Variants in COL20A1 observed in about 807,000 individuals in gnomAD.
The protein encoded by COL20A1 is collagen type XX alpha 1 chain.
In COL20A1, 164 loss-of-function variants were observed where a neutral mutation model predicts 152.9. The observed-to-expected ratio is 1.07, with a 90% confidence interval of 0.94 to 1.22. COL20A1 has a LOEUF of 1.22. Among genes scored for constraint, COL20A1 ranks in the 50% most tolerant of loss-of-function variants. The pLI is 0.00. For missense variants in COL20A1, 1,873 were observed against 1,744.8 expected (o/e 1.07, Z -1.31); for synonymous variants, 864 against 756.0 (o/e 1.14, Z -2.34).
At chr20:63,327,059 T>C in intron 31 of COL20A1, 1 of 446,846 alleles carries the variant, frequency 2.2e-6, no homozygotes, top group Non-Finnish European at 3.9e-6. Flanking sequence ...GGACTTCCTG[T>C]TGACCACCCA....
At position 63,320,101 on chromosome 20, in the gene COL20A1, G is replaced by T. The variant is rs751933673; in HGVS notation, c.2979G>T (p.Glu993Asp). 61 of 1,553,376 alleles carry T rather than the reference G, an allele frequency of 3.9e-5. No individual in the cohort carries two copies. The highest frequency in any genetic ancestry group is 5.8e-5 in the Admixed American group (3 of 51,386). The change falls in exon 24 of 36, where the codon GAG becomes GAT. Residue 993 changes from glutamate (E) to aspartate (D), a missense_variant. Physicochemically the swap from Glu to Asp is conservative, Grantham distance 45. Transcript: ENST00000358894. The stretch of plus-strand genomic sequence containing the variant: ...ATGTGGACTGCCGGAAGGTGGCTGA[G>T]CGGCCCCTTGGGGAGATGGGCAGCC... ...RLYVDCRKVA[E>D]RPLGEMGSPP...
Position 63,310,430 on chromosome 20 carries a change from C to T in COL20A1, c.1313C>T (p.Ser438Phe), listed in dbSNP as rs1053977313. ...AASTELHNLASRTEYLVSVFP... is the reference protein window; with the variant it reads ...AASTELHNLAFRTEYLVSVFP... ...TCCACGGAGCTGCACAACCTGGCCT[C>T]CCGCACAGAGTACCTGGTCTCCGTG... The change falls in exon 11 of 36, where the codon TCC becomes TTC. Residue 438 changes from serine (S) to phenylalanine (F), a missense_variant. Physicochemically the swap from Ser to Phe is radical, Grantham distance 155. Transcript: ENST00000358894. 1.9e-6 allele frequency: 3 copies of T among 1,610,434 alleles called. No homozygotes were observed. Among genetic ancestry groups the T allele is most frequent in the East Asian group, 2.2e-5 (1 of 44,792 alleles).
Position 63,311,754 on chromosome 20 carries a change from T to C in COL20A1, c.1663+6T>C, listed in dbSNP as rs1044557905. The C allele has an allele frequency of 7.6e-6, 12 of 1,587,776 alleles. No individual in the cohort carries two copies. Among genetic ancestry groups the C allele is most frequent in the Non-Finnish European group, 1.0e-5 (12 of 1,172,892 alleles). On this transcript the variant is annotated splice_donor_region_variant and intron_variant, in intron 13 of 35. Transcript: ENST00000358894. The surrounding 1 kb of genome is among the most constrained non-coding windows in gnomAD (Gnocchi z 4.4). ...GGGCATCCGTGCCAGGACCCGTGAG[T>C]GCTCCAACCCCGGCTGCCTGCCCAC...
Position 63,309,824 on chromosome 20 carries a change from C to G in COL20A1, c.1172C>G (p.Ser391Cys). 6.2e-7 allele frequency: 1 copy of G among 1,610,430 alleles called. No individual in the cohort carries two copies. The change falls in exon 10 of 36, where the codon TCC (serine) becomes TGC (cysteine). Residue 391 changes from serine to cysteine, a missense_variant. Physicochemically the swap from Ser to Cys is moderately radical, Grantham distance 112. Transcript: ENST00000358894. Reference sequence around the variant, plus strand: ...CTGGTCCTGAGCCAGGTGACCTCCTCCAGCATCCGCCTGTCCTGGACTCCA... The same window carrying G: ...CTGGTCCTGAGCCAGGTGACCTCCTGCAGCATCCGCCTGTCCTGGACTCCA... The part of the protein sequence containing the change: ...TSLVLSQVTS[S>C]SIRLSWTPAP...
chr20:63,326,824 G>A lies in COL20A1; in HGVS notation c.3528+1G>A, dbSNP rs767238381. On this transcript the variant is annotated splice_donor_variant, in intron 31 of 35. Transcript: ENST00000358894. LOFTEE classifies it high-confidence loss of function. ...ACCTCCAGGGACCGTGGGGCCCACA[G>A]TAAGTGCATTTCCAACACCCACCAG... is the stretch of plus-strand genomic sequence containing the variant. 2.7e-6 allele frequency: 4 copies of A among 1,498,800 alleles called. No homozygotes were observed. The highest frequency in any genetic ancestry group is 2.7e-5 in the East Asian group (1 of 36,644). 92.8% of individuals were successfully genotyped at this position (1,498,800 alleles called of 1,614,324 possible).
chr20:63,316,669 G>A lies in COL20A1; in HGVS notation c.2641G>A (p.Ala881Thr), dbSNP rs748113437. The A allele has an allele frequency of 8.9e-6, 14 of 1,571,346 alleles. No individual in the cohort carries two copies. The highest frequency in any genetic ancestry group is 7.0e-5 in the East Asian group (3 of 42,804). Residue 881 changes from alanine (A) to threonine (T), a missense_variant, in exon 21 of 36, where the codon GCC becomes ACC. By Grantham distance (58) the Ala-to-Thr change is moderately conservative. Coordinates refer to ENST00000358894, the MANE Select transcript of COL20A1 (RefSeq NM_020882.4). Reference protein sequence around the residue: ...GTPTFTLFKDAQLTRRVSDVY... With the variant: ...GTPTFTLFKDTQLTRRVSDVY... ...CCCGACCTTCACGCTCTTCAAGGAC[G>A]CCCAGCTGACAAGACGGGTCAGGTG... is the stretch of plus-strand genomic sequence containing the variant.
intron 8 of COL20A1, 30 bp from the exon 9 acceptor site, chr20:63,309,303 G>A: frequency 7.0e-7 from 1 of 1,430,730 alleles, no homozygotes; most frequent in South Asian, 1.6e-5. Context: ...CCCCAGTGCA[G>A]GCCAACCCCA....
Position 63,313,064 on chromosome 20 carries a change from C to A in COL20A1, c.2077-53C>A, listed in dbSNP as rs1226741385. On this transcript the variant is annotated intron_variant, in intron 16 of 35. Coordinates refer to ENST00000358894, the MANE Select transcript of COL20A1 (RefSeq NM_020882.4). This position sits in a 1 kb window ranked among gnomAD's most constrained non-coding sequence, Gnocchi z 5.9. ...AGGGATGCCTCACTGCCCGGCCCCCCAACCTGAGGACCCCACTGCACCCGG... is the reference window on the plus strand; with the variant it reads ...AGGGATGCCTCACTGCCCGGCCCCCAAACCTGAGGACCCCACTGCACCCGG... 1.3e-6 allele frequency: 2 copies of A among 1,573,974 alleles called. No individual in the cohort carries two copies. The highest frequency in any genetic ancestry group is 1.7e-6 in the Non-Finnish European group (2 of 1,159,892).
intron 2 of COL20A1, among the ~76,000 whole-genome samples, chr20:63,295,584 C>CG (rs760565326): frequency 6.6e-6 from 1 of 152,050 alleles, no homozygotes; most frequent in Non-Finnish European, 1.5e-5. Flanking sequence ...TCTCTCGGTG[C>CG]GGCACTCGCA....
At chr20:63,324,604 C>G (rs1464469452) in intron 27 of COL20A1, 1 of 152,450 alleles carries the variant, frequency 6.6e-6, no homozygotes, top group Non-Finnish European at 1.5e-5. Context: ...TAGGATATCC[C>G]TAAATACTGG....
intron 2 of COL20A1, among the ~76,000 whole-genome samples, chr20:63,295,563 G>T (rs1030802196): frequency 1.3e-5 from 2 of 152,062 alleles, no homozygotes; most frequent in Non-Finnish European, 2.9e-5. Context: ...TGGGCACATA[G>T]CCCTCTGGCT....
Position 63,313,173 on chromosome 20 carries a change from A to G in COL20A1, c.2133A>G (p.Thr711=). The G allele has an allele frequency of 1.2e-6, 2 of 1,612,468 alleles. No homozygotes were observed. Among genetic ancestry groups the G allele is most frequent in the Admixed American group, 1.7e-5 (1 of 59,974 alleles). The part of the protein sequence containing the change: ...TAVLPGLGRH[T]EYDVTILAYY... ...TCCTGCCTGGCCTAGGGAGGCACAC[A>G]GAGTACGACGTCACCATCTTGGCCT... is the stretch of plus-strand genomic sequence containing the variant. Residue 711 remains threonine, a synonymous_variant, in exon 17 of 36, where the codon ACA becomes ACG. Coordinates refer to ENST00000358894, the MANE Select transcript of COL20A1 (RefSeq NM_020882.4). The surrounding 1 kb of genome is among the most constrained non-coding windows in gnomAD (Gnocchi z 5.9).
At chr20:63,326,618 G>C in intron 30 of COL20A1, 134 bp from the exon 31 acceptor site, 1 of 570,076 alleles carries the variant, frequency 1.8e-6, no homozygotes, top group Non-Finnish European at 3.0e-6. Flanking sequence ...ATGGCCTGAA[G>C]GAGGCTGGGG....
chr20:63,326,388 T>C (rs143830881), intron 30 of COL20A1, among the ~76,000 whole-genome samples: 2 of 152,290 alleles, frequency 1.3e-5, no homozygotes, highest in Non-Finnish European at 2.9e-5. Flanking sequence ...CTGGGAGACC[T>C]TGGAGGGGGG....
chr20:63,305,994 G>A lies in COL20A1; in HGVS notation c.451G>A (p.Glu151Lys), dbSNP rs752674493. The A allele has an allele frequency of 1.2e-6, 2 of 1,612,754 alleles. No individual in the cohort carries two copies. Among genetic ancestry groups the A allele is most frequent in the East Asian group, 4.5e-5 (2 of 44,882 alleles). Residue 151 changes from glutamate (E) to lysine (K), a missense_variant, in exon 5 of 36, where the codon GAG (glutamate) becomes AAG (lysine). Glu to Lys is a moderately conservative substitution (Grantham distance 56). Transcript: ENST00000358894. This position sits in a 1 kb window ranked among gnomAD's most constrained non-coding sequence, Gnocchi z 4.9. The part of the protein sequence containing the change: ...TGSPDPEQAS[E>K]PQVAFTPSQD... ...GAGCCCAGACCCTGAGCAGGCTTCT[G>A]AGCCCCAAGTTGCCTTCACACCAAG...
At position 63,313,260 on chromosome 20, in the gene COL20A1, C is replaced by T. The variant is rs748006738; in HGVS notation, c.2209+11C>T. 35 of 1,602,496 alleles carry T rather than the reference C, an allele frequency of 2.2e-5. No individual in the cohort carries two copies. The highest frequency in any genetic ancestry group is 2.9e-5 in the Non-Finnish European group (34 of 1,173,072). ...TCCGCTATACCCCCTGTAGGTGCCC[C>T]TCCACTTCCCCTCTGCTGGGTGTGG... On this transcript the variant is annotated intron_variant, in intron 17 of 35. Transcript: ENST00000358894. This position sits in a 1 kb window ranked among gnomAD's most constrained non-coding sequence, Gnocchi z 5.9.
rs750275318 is a variant in COL20A1 at position 63,313,805 on chromosome 20, C to A, written c.2272C>A (p.Gln758Lys). ...ALASETPDSL[Q>K]VSWTPPLGRV... ...GGCCTCGGAGACCCCCGACAGCCTGCAGGTCAGCTGGACGCCCCCGCTTGG... is the reference window on the plus strand; with the variant it reads ...GGCCTCGGAGACCCCCGACAGCCTGAAGGTCAGCTGGACGCCCCCGCTTGG... Residue 758 changes from glutamine to lysine, a missense_variant, in exon 18 of 36, where the codon CAG (glutamine) becomes AAG (lysine). By Grantham distance (53) the Gln-to-Lys change is moderately conservative. Coordinates refer to ENST00000358894, the MANE Select transcript of COL20A1 (RefSeq NM_020882.4). The surrounding 1 kb of genome is among the most constrained non-coding windows in gnomAD (Gnocchi z 5.9). The A allele has an allele frequency of 6.2e-7, 1 of 1,610,958 alleles. No individual in the cohort carries two copies.
At chr20:63,301,965 T>C (rs1369584114) in intron 3 of COL20A1, among the ~76,000 whole-genome samples, 1 of 152,196 alleles carries the variant, frequency 6.6e-6, no homozygotes, top group African/African-American at 2.4e-5. Context: ...AAGTTTTTAT[T>C]CTCCGCTTTC....
chr20:63,309,540 T>A, intron 9 of COL20A1, 43 bp downstream of exon 9: 1 of 1,448,782 alleles, frequency 6.9e-7, no homozygotes, highest in Non-Finnish European at 9.1e-7. Context: ...CCCCCCCGGC[T>A]GCTTTGGGCA....
Sources: allele counts gnomAD v4.1 joint callset (sites outside exome capture counted in the v4.1 genomes callset), GRCh38; gene constraint gnomAD v4.1.1; non-coding constraint Gnocchi (gnomAD v3.1); transcripts MANE v1.5; gene names NCBI Gene and HGNC (gene_info 2026-07-23, HGNC 2026-07-21).